Variants in KANSL1L observed in about 807,000 individuals in gnomAD.
The protein encoded by KANSL1L is KAT8 regulatory NSL complex subunit 1 like, also known as KAT8 regulatory NSL complex subunit 1-like protein.
KANSL1L carries 25 observed loss-of-function variants against 108.6 expected under a neutral mutation model. The ratio of observed to expected loss-of-function variants is 0.23; its 90% confidence interval spans 0.17 to 0.32. The LOEUF (loss-of-function observed/expected upper bound fraction) is 0.32, where lower values mean the gene tolerates loss of function less well. Ranked by LOEUF, KANSL1L falls within the 10% of genes least tolerant of loss-of-function variation. The probability of loss-of-function intolerance (pLI) is 1.00; values close to 1 mark genes in which losing one functional copy is unlikely to be tolerated. For missense variants in KANSL1L, 1,137 were observed against 1,125.7 expected (o/e 1.01, Z -0.14); for synonymous variants, 405 against 395.1 (o/e 1.03, Z -0.30).
At chr2:210,138,061 T>A (rs2095190837) in intron 2 of KANSL1L, among the ~76,000 whole-genome samples, 1 of 152,096 alleles carries the variant, frequency 6.6e-6, no homozygotes, top group South Asian at 2.1e-4. Context: ...CTATATAAGG[T>A]ACATCTATTA....
chr2:210,028,166 C>A lies in KANSL1L; in HGVS notation c.2396+679G>T, dbSNP rs1365796995. On this transcript the variant is annotated intron_variant, in intron 11 of 14. Transcript: ENST00000281772. ...TTCAGGGACCTCCACAAATCTGGAC[C>A]TAACTTTGTCTCTAGCCTTCCATTA... Among the ~76,000 whole-genome samples the A allele has an allele frequency of 2.0e-5, 3 of 152,276 alleles. No individual in the cohort carries two copies. In the East Asian group the frequency reaches 5.8e-4, roughly 29 times the overall value.
At chr2:210,172,611 A>G (rs1165616274), upstream of KANSL1L, among the ~76,000 whole-genome samples, 3 of 152,236 alleles carry the variant, frequency 2.0e-5, no homozygotes, top group Non-Finnish European at 2.9e-5. Flanking sequence ...GAAGAATTTT[A>G]GGAAATTGAT....
chr2:210,103,325 T>TG (rs2094814088), intron 4 of KANSL1L, among the ~76,000 whole-genome samples: 1 of 74,916 alleles, frequency 1.3e-5, no homozygotes, highest in Non-Finnish European at 2.7e-5. Flanking sequence ...TGTCATGGGG[T>TG]GGGGGAAGGG....
intron 6 of KANSL1L, among the ~76,000 whole-genome samples, chr2:210,046,829 T>C (rs1041572069): frequency 5.3e-5 from 8 of 152,232 alleles, no homozygotes; most frequent in South Asian, 2.1e-4. Context: ...GCAGAGACTG[T>C]GTAGACACCA....
intron 6 of KANSL1L, among the ~76,000 whole-genome samples, chr2:210,051,123 T>TAA (rs1437968032): frequency 1.3e-5 from 2 of 152,178 alleles, no homozygotes; most frequent in African/African-American, 4.8e-5. Flanking sequence ...TAAATCTACA[T>TAA]AAATACTATT....
chr2:210,032,778 GA>G (rs1249111649), intron 8 of KANSL1L: 1 of 152,120 alleles, frequency 6.6e-6, no homozygotes, highest in Non-Finnish European at 1.5e-5. Context: ...CTTCAATGAT[GA>G]GTATAGAAAA....
chr2:210,100,920 G>C (rs113369895), intron 4 of KANSL1L, among the ~76,000 whole-genome samples: 137 of 152,292 alleles, frequency 9.0e-4, no homozygotes, highest in African/African-American at 3.3e-3. Context: ...TTACAGGCAT[G>C]AGCTACCATG....
chr2:210,146,182 G>C (rs2095264531), intron 2 of KANSL1L, among the ~76,000 whole-genome samples: 1 of 152,124 alleles, frequency 6.6e-6, no homozygotes, highest in African/African-American at 2.4e-5. Flanking sequence ...AGATGTCTCA[G>C]GTATGCCAGT....
chr2:210,043,930 G>C lies in KANSL1L; in HGVS notation c.1921+9C>G. 1 of 1,549,964 alleles carries C rather than the reference G, an allele frequency of 6.5e-7. No homozygotes were observed. The highest frequency in any genetic ancestry group is 8.7e-7 in the Non-Finnish European group (1 of 1,144,086). ...ATCGTTACTTAGAAATTGTTACAAG[G>C]AGGCTTACCTGATGGCAATGATAGA... is the stretch of plus-strand genomic sequence containing the variant. On this transcript the variant is annotated intron_variant, in intron 7 of 14. Transcript: ENST00000281772.
At chr2:210,065,532 C>T (rs374831582) in intron 6 of KANSL1L, among the ~76,000 whole-genome samples, 207 of 149,980 alleles carry the variant, frequency 1.4e-3, no homozygotes, top group African/African-American at 3.8e-3. Flanking sequence ...CCTTCATTAA[C>T]ACCTCAGAAA....
At chr2:210,145,901 G>T (rs1176599615) in intron 2 of KANSL1L, among the ~76,000 whole-genome samples, 1 of 152,088 alleles carries the variant, frequency 6.6e-6, no homozygotes. Flanking sequence ...GTGTGGACAT[G>T]TATGGGGCAG....
intron 8 of KANSL1L, among the ~76,000 whole-genome samples, chr2:210,037,442 G>A (rs570459752): frequency 6.1e-4 from 93 of 152,186 alleles, no homozygotes; most frequent in Non-Finnish European, 1.2e-3. Context: ...AAGTGAAATC[G>A]CATCATTAAA....
intron 5 of KANSL1L, among the ~76,000 whole-genome samples, chr2:210,087,762 T>A (rs989720666): frequency 3.3e-5 from 5 of 152,232 alleles, no homozygotes; most frequent in Admixed American, 3.3e-4. Context: ...TCACATTTGT[T>A]ACCTCATTTG....
chr2:210,047,028 C>G (rs116141687), intron 6 of KANSL1L, among the ~76,000 whole-genome samples: 2 of 152,118 alleles, frequency 1.3e-5, no homozygotes, highest in African/African-American at 4.8e-5. Flanking sequence ...CTTCTTTGCC[C>G]GAAGGGACTT....
At chr2:210,057,562 G>A (rs928602958) in intron 6 of KANSL1L, among the ~76,000 whole-genome samples, 9 of 152,090 alleles carry the variant, frequency 5.9e-5, no homozygotes, top group African/African-American at 7.2e-5. Flanking sequence ...TTAGCCGGGC[G>A]TGGTGGCAGG....
intron 3 of KANSL1L, among the ~76,000 whole-genome samples, chr2:210,105,473 TA>T (rs1241108009): frequency 1.3e-5 from 2 of 150,534 alleles, no homozygotes; most frequent in Non-Finnish European, 3.0e-5. Flanking sequence ...ATTATTGTAA[TA>T]AAAAATAAAC....
At chr2:210,069,108 T>G (rs569307449) in intron 6 of KANSL1L, among the ~76,000 whole-genome samples, 3 of 152,200 alleles carry the variant, frequency 2.0e-5, no homozygotes, top group Non-Finnish European at 4.4e-5. Context: ...TACACTTTAC[T>G]TGGAAATTTC....
chr2:210,116,328 C>A (rs905642839), intron 3 of KANSL1L, among the ~76,000 whole-genome samples: 2 of 152,194 alleles, frequency 1.3e-5, no homozygotes, highest in African/African-American at 2.4e-5. Flanking sequence ...GGGGAGAAAA[C>A]TTGCCACCCT....
chr2:210,122,630 A>C (rs917023225), intron 3 of KANSL1L, among the ~76,000 whole-genome samples: 2 of 152,058 alleles, frequency 1.3e-5, no homozygotes, highest in African/African-American at 4.8e-5. Flanking sequence ...AAGATTTCTT[A>C]AGTAATACCC....
Sources: allele counts gnomAD v4.1 joint callset (sites outside exome capture counted in the v4.1 genomes callset), GRCh38; gene constraint gnomAD v4.1.1; transcripts MANE v1.5; gene names NCBI Gene and HGNC (gene_info 2026-07-23, HGNC 2026-07-21).